CNTN5: variants seen among roughly 807,000 people sequenced by gnomAD.
CNTN5 encodes contactin 5.
In CNTN5, 77 loss-of-function variants were observed where a neutral mutation model predicts 129.1. The observed-to-expected ratio is 0.60, with a 90% CI of 0.50 to 0.72. The LOEUF is 0.72. Ranked by LOEUF, CNTN5 falls within the 30% of genes least tolerant of loss-of-function variation. The probability of loss-of-function intolerance (pLI) is 0.00; values close to 1 mark genes in which losing one functional copy is unlikely to be tolerated. For missense variants in CNTN5, 1,478 were observed against 1,328.8 expected, an observed-to-expected ratio of 1.11 and a Z score of -1.75; for synonymous variants, 509 against 465.6, an observed-to-expected ratio of 1.09 and a Z score of -1.20.
At chr11:99,823,890 G>C (rs1370877871) in intron 4 of CNTN5, among the ~76,000 whole-genome samples, 2 of 151,884 alleles carry the variant, frequency 1.3e-5, no homozygotes, top group African/African-American at 4.8e-5. Flanking sequence ...TACATGTACT[G>C]TTCTTTAAAA....
At chr11:100,137,270 G>A (rs867091119) in intron 13 of CNTN5, among the ~76,000 whole-genome samples, 2 of 151,972 alleles carry the variant, frequency 1.3e-5, no homozygotes, top group African/African-American at 4.8e-5. Context: ...CATATAGGAG[G>A]CTTATAATGT....
intron 9 of CNTN5, among the ~76,000 whole-genome samples, chr11:100,006,656 C>T (rs1332438485): frequency 6.6e-6 from 1 of 152,114 alleles, no homozygotes; most frequent in East Asian, 1.9e-4. Flanking sequence ...TCTGCATTTA[C>T]TTTCCCCACT....
chr11:99,175,272 T>G (rs1378279337), intron 1 of CNTN5, among the ~76,000 whole-genome samples: 1 of 151,830 alleles, frequency 6.6e-6, no homozygotes, highest in Non-Finnish European at 1.5e-5. Context: ...ATAAATAGGG[T>G]TTATTACTCA....
intron 13 of CNTN5, among the ~76,000 whole-genome samples, chr11:100,103,043 C>T (rs1236209416): frequency 1.3e-5 from 2 of 152,174 alleles, no homozygotes; most frequent in Non-Finnish European, 2.9e-5. Flanking sequence ...ACTTGGACTT[C>T]TAGCTCTAAC....
At chr11:100,080,098 G>A (rs777214465) in intron 13 of CNTN5, among the ~76,000 whole-genome samples, 1 of 152,042 alleles carries the variant, frequency 6.6e-6, no homozygotes, top group Non-Finnish European at 1.5e-5. Context: ...ATAAACTGTT[G>A]TTGAACCTCA....
At chr11:99,047,475 C>T (rs1163731372) in intron 1 of CNTN5, among the ~76,000 whole-genome samples, 1 of 150,588 alleles carries the variant, frequency 6.6e-6, no homozygotes, top group Non-Finnish European at 1.5e-5. Context: ...TAAATTGTAA[C>T]TAACATTGTA....
chr11:99,839,935 A>C (rs890276315), intron 4 of CNTN5, among the ~76,000 whole-genome samples: 1 of 152,116 alleles, frequency 6.6e-6, no homozygotes, highest in Non-Finnish European at 1.5e-5. Flanking sequence ...ATGAGAAATA[A>C]ATTTTCCTGA....
At chr11:99,616,134 A>G (rs1409705583) in intron 3 of CNTN5, among the ~76,000 whole-genome samples, 1 of 152,192 alleles carries the variant, frequency 6.6e-6, no homozygotes, top group Non-Finnish European at 1.5e-5. Flanking sequence ...ATAGATTTGT[A>G]TAAGTCAAAA....
chr11:99,771,383 C>T (rs1459643519), intron 3 of CNTN5, among the ~76,000 whole-genome samples: 2 of 151,942 alleles, frequency 1.3e-5, no homozygotes, highest in Admixed American at 1.3e-4. Flanking sequence ...TATGTACATA[C>T]ATACATATAC....
At chr11:99,671,148 G>GTTTCTT (rs5794013) in intron 3 of CNTN5, among the ~76,000 whole-genome samples, 12 of 125,676 alleles carry the variant, frequency 9.5e-5, no homozygotes, top group South Asian at 5.5e-4. Context: ...TGTAGATTGA[G>GTTTCTT]TTTTTTTTTT....
chr11:100,039,600 G>A (rs970351722), intron 9 of CNTN5, among the ~76,000 whole-genome samples: 1 of 152,146 alleles, frequency 6.6e-6, no homozygotes, highest in Non-Finnish European at 1.5e-5. Context: ...TCACTTTCAG[G>A]TACACTAATC....
At chr11:100,153,329 T>A (rs1947129124) in intron 13 of CNTN5, among the ~76,000 whole-genome samples, 1 of 152,094 alleles carries the variant, frequency 6.6e-6, no homozygotes, top group South Asian at 2.1e-4. Flanking sequence ...AAAGTTATAT[T>A]CTTGGAGTAC....
chr11:99,898,100 T>C (rs963384965), intron 6 of CNTN5, among the ~76,000 whole-genome samples: 2 of 152,022 alleles, frequency 1.3e-5, no homozygotes, highest in African/African-American at 4.8e-5. Flanking sequence ...TTTTATAGCA[T>C]TAAATGCCTA....
At chr11:99,312,723 G>A (rs1205569610) in intron 1 of CNTN5, among the ~76,000 whole-genome samples, 2 of 151,810 alleles carry the variant, frequency 1.3e-5, no homozygotes, top group Admixed American at 6.6e-5. Context: ...ATTTTAGTAA[G>A]TATTCAATAA....
chr11:100,030,479 G>A (rs1199632520), intron 9 of CNTN5, among the ~76,000 whole-genome samples: 1 of 152,122 alleles, frequency 6.6e-6, no homozygotes, highest in Non-Finnish European at 1.5e-5. Flanking sequence ...CATTAACATG[G>A]CATTTTTACC....
intron 13 of CNTN5, among the ~76,000 whole-genome samples, chr11:100,112,336 T>G (rs562058918): frequency 3.3e-5 from 5 of 152,146 alleles, no homozygotes; most frequent in African/African-American, 1.2e-4. Context: ...TTTTAGATAC[T>G]GAGATTCAGA....
intron 2 of CNTN5, among the ~76,000 whole-genome samples, chr11:99,468,393 A>G (rs1384552507): frequency 1.3e-5 from 2 of 151,998 alleles, no homozygotes; most frequent in East Asian, 3.9e-4. Context: ...CAGAACCAAG[A>G]ACATTGCTTA....
Position 99,846,320 on chromosome 11 carries a change from C to T in CNTN5, c.577+1058C>T, listed in dbSNP as rs182141335. ...TTGTAGTGAGCCGAGATTGCGCCAC[C>T]ACACTCCAGCCTGGGCGACAGAGTG... On this transcript the variant is annotated intron_variant, in intron 6 of 24. Coordinates refer to ENST00000524871, the MANE Select transcript of CNTN5 (RefSeq NM_014361.4). Among the ~76,000 whole-genome samples the T allele has an allele frequency of 6.6e-4, 89 of 135,482 alleles. No individual in the cohort carries two copies. The East Asian group carries it at 0.019, about 29-fold the overall frequency. The allele number at this position is 135,482 out of a possible 152,430, so 88.9% of individuals were successfully genotyped here.
At chr11:99,256,059 T>A (rs1862363465) in intron 1 of CNTN5, among the ~76,000 whole-genome samples, 1 of 152,144 alleles carries the variant, frequency 6.6e-6, no homozygotes, top group Non-Finnish European at 1.5e-5. Context: ...TATTTTCTTG[T>A]TTTACAATTT....
Sources: allele counts gnomAD v4.1 joint callset (sites outside exome capture counted in the v4.1 genomes callset), GRCh38; gene constraint gnomAD v4.1.1; transcripts MANE v1.5; gene names NCBI Gene and HGNC (gene_info 2026-07-23, HGNC 2026-07-21).